CACNA1D: variants seen among roughly 807,000 people sequenced by gnomAD.
The protein encoded by CACNA1D is calcium voltage-gated channel subunit alpha1 D, also known as voltage-dependent L-type calcium channel subunit alpha-1D.
Under a neutral mutation model 257.1 loss-of-function variants are expected in CACNA1D, and 55 were observed. That is an observed-to-expected ratio of 0.21 (90% confidence interval 0.17 to 0.27). The LOEUF (loss-of-function observed/expected upper bound fraction) is 0.27. Ranked by LOEUF, CACNA1D falls within the 10% of genes least tolerant of loss-of-function variation. The probability of loss-of-function intolerance (pLI) is 1.00; values close to 1 mark genes in which losing one functional copy is unlikely to be tolerated. For missense variants in CACNA1D, 1,876 were observed against 2,784.0 expected (o/e 0.67, Z 7.34); for synonymous variants, 980 against 1,014.9 (o/e 0.97, Z 0.65).
chr3:53,650,477 A>G (rs2094078147), intron 3 of CACNA1D, among the ~76,000 whole-genome samples: 1 of 152,240 alleles, frequency 6.6e-6, no homozygotes, highest in African/African-American at 2.4e-5. Context: ...CAAATAACAA[A>G]CATGCCTGTT....
At chr3:53,675,612 AG>A (rs1355947696) in intron 8 of CACNA1D, among the ~76,000 whole-genome samples, 5 of 152,100 alleles carry the variant, frequency 3.3e-5, no homozygotes. Context: ...AAAGAGAAAA[AG>A]ATGGGCGGGG....
intron 3 of CACNA1D, among the ~76,000 whole-genome samples, chr3:53,624,092 G>C (rs1418362517): frequency 6.6e-6 from 1 of 152,148 alleles, no homozygotes; most frequent in Non-Finnish European, 1.5e-5. Flanking sequence ...GGTGGTTCCT[G>C]TTAACTTTGA....
intron 3 of CACNA1D, among the ~76,000 whole-genome samples, chr3:53,586,671 G>A (rs183407244): frequency 6.6e-6 from 1 of 152,110 alleles, no homozygotes. Context: ...CTGTTTTCCT[G>A]TTATTCCTAG....
At chr3:53,718,433 A>C in intron 10 of CACNA1D, 45 bp downstream of exon 10, 1 of 1,564,068 alleles carries the variant, frequency 6.4e-7, no homozygotes, top group Non-Finnish European at 8.8e-7. Flanking sequence ...CTGTTGTCTC[A>C]GAGAAGCAGG....
At chr3:53,554,279 C>G (rs2092597826) in intron 3 of CACNA1D, among the ~76,000 whole-genome samples, 1 of 151,970 alleles carries the variant, frequency 6.6e-6, no homozygotes, top group Non-Finnish European at 1.5e-5. Flanking sequence ...GTAAGTGTGC[C>G]TATATGTGTG....
At chr3:53,625,563 C>T (rs905533565) in intron 3 of CACNA1D, among the ~76,000 whole-genome samples, 2 of 152,136 alleles carry the variant, frequency 1.3e-5, no homozygotes, top group Admixed American at 6.6e-5. Context: ...TTCATGACAT[C>T]GTTCTCTGTA....
intron 25 of CACNA1D, among the ~76,000 whole-genome samples, 189 bp downstream of exon 25, chr3:53,746,064 A>G (rs1018048725): frequency 1.3e-5 from 2 of 152,186 alleles, no homozygotes; most frequent in African/African-American, 4.8e-5. Context: ...CATTTTCAGT[A>G]TACAGTTCCT....
At chr3:53,763,159 C>G (rs2095313348) in intron 30 of CACNA1D, among the ~76,000 whole-genome samples, 1 of 152,192 alleles carries the variant, frequency 6.6e-6, no homozygotes, top group Non-Finnish European at 1.5e-5. Context: ...GGTGAACGTC[C>G]CACACCCAAA....
chr3:53,616,234 C>T (rs571611130), intron 3 of CACNA1D, among the ~76,000 whole-genome samples: 1 of 152,258 alleles, frequency 6.6e-6, no homozygotes, highest in African/African-American at 2.4e-5. Context: ...TTGTGATCAG[C>T]GTTCGACTTT....
At chr3:53,791,174 T>C in intron 40 of CACNA1D, 1 of 605,530 alleles carries the variant, frequency 1.7e-6, no homozygotes, top group Admixed American at 2.8e-5. Context: ...AGCAAAGCAC[T>C]CCTCCGGAAG....
intron 30 of CACNA1D, among the ~76,000 whole-genome samples, chr3:53,769,211 A>G (rs1306521778): frequency 2.6e-5 from 4 of 152,186 alleles, no homozygotes; most frequent in Non-Finnish European, 5.9e-5. Flanking sequence ...AGCACCAGTC[A>G]TTACAGATTC....
intron 8 of CACNA1D, among the ~76,000 whole-genome samples, chr3:53,676,381 T>G (rs1325040622): frequency 2.0e-5 from 3 of 152,180 alleles, no homozygotes; most frequent in Non-Finnish European, 4.4e-5. Flanking sequence ...TTTTTTAAAT[T>G]TTAGCCTCAA....
In CACNA1D at chr3:53,495,319, A is replaced by T; in HGVS notation, c.67+86A>T. 2 of 1,545,486 alleles carry T rather than the reference A, an allele frequency of 1.3e-6. No homozygotes were observed. The highest frequency in any genetic ancestry group is 1.8e-6 in the Non-Finnish European group (2 of 1,120,608). Reference sequence around the variant, plus strand: ...CCCTCCCCCTTCCCCGCGGCGCTGGATGGGTTGAGGGGGTTGGAGAGGGTG... The same window carrying T: ...CCCTCCCCCTTCCCCGCGGCGCTGGTTGGGTTGAGGGGGTTGGAGAGGGTG... On this transcript the variant is annotated intron_variant, in intron 1 of 47. Transcript: ENST00000350061. The surrounding 1 kb of genome is among the most constrained non-coding windows in gnomAD (Gnocchi z 5.1).
chr3:53,586,276 CTGTGTG>C (rs57318445), intron 3 of CACNA1D, among the ~76,000 whole-genome samples: 4,783 of 135,988 alleles, frequency 0.035, 247 homozygotes, highest in African/African-American at 0.12. Flanking sequence ...TGCCTCTATT[CTGTGTG>C]TGTGTGTGTG....
chr3:53,565,116 A>G (rs1044901269), intron 3 of CACNA1D, among the ~76,000 whole-genome samples: 4 of 152,142 alleles, frequency 2.6e-5, no homozygotes, highest in African/African-American at 4.8e-5. Flanking sequence ...TAACAAATCA[A>G]ATTTCCTTAT....
chr3:53,766,187 T>G (rs2095330859), intron 30 of CACNA1D: 1 of 152,268 alleles, frequency 6.6e-6, no homozygotes, highest in Non-Finnish European at 1.5e-5. Flanking sequence ...TCCCTGCCTT[T>G]TAAGGTATGC....
chr3:53,513,067 C>T (rs1373187468), intron 3 of CACNA1D, among the ~76,000 whole-genome samples: 2 of 152,166 alleles, frequency 1.3e-5, no homozygotes, highest in African/African-American at 2.4e-5. Context: ...TGGGTCTTTC[C>T]TCAGTTTCTT....
intron 3 of CACNA1D, among the ~76,000 whole-genome samples, chr3:53,605,864 A>T (rs1039484548): frequency 2.6e-5 from 4 of 152,162 alleles, no homozygotes; most frequent in Non-Finnish European, 5.9e-5. Context: ...CTTTCCCTAG[A>T]GGCCCTGGGT....
At chr3:53,639,141 T>A (rs1389514325) in intron 3 of CACNA1D, among the ~76,000 whole-genome samples, 1 of 152,226 alleles carries the variant, frequency 6.6e-6, no homozygotes, top group Admixed American at 6.5e-5. Context: ...AAATAACCCC[T>A]TCTCTGCCTA....
Sources: gnomAD v4.1 joint callset for allele counts (sites outside exome capture counted in the v4.1 genomes callset) on GRCh38, gnomAD v4.1.1 for gene constraint, Gnocchi (gnomAD v3.1) non-coding constraint, MANE v1.5 for transcripts, NCBI Gene and HGNC (gene_info 2026-07-23, HGNC 2026-07-21) for gene names.